Variants in LPP observed in about 807,000 individuals in gnomAD.
LPP encodes lipoma-preferred partner.
Under a neutral mutation model 60.4 loss-of-function variants are expected in LPP, and 38 were observed. That is an observed-to-expected ratio of 0.63 (90% CI 0.49 to 0.83). The LOEUF (loss-of-function observed/expected upper bound fraction) is 0.83, where lower values mean the gene tolerates loss of function less well. Among genes scored for constraint, LPP ranks in the 40% least tolerant of loss-of-function variants. The pLI is 0.00. For synonymous variants in LPP, 328 were observed against 290.8 expected (o/e 1.13, Z -1.30); for missense variants, 902 against 783.6 (o/e 1.15, Z -1.80).
chr3:188,261,465 A>G (rs1376527739), intron 2 of LPP, among the ~76,000 whole-genome samples: 1 of 152,216 alleles, frequency 6.6e-6, no homozygotes, highest in African/African-American at 2.4e-5. Flanking sequence ...ACTCAGCAAT[A>G]TGCCTTGAAA....
intron 7 of LPP, among the ~76,000 whole-genome samples, chr3:188,688,115 A>C (rs1251901589): frequency 6.6e-6 from 1 of 152,168 alleles, no homozygotes; most frequent in Admixed American, 6.5e-5. Flanking sequence ...GTTTTTCCAA[A>C]GTACTTGGGA....
At chr3:188,359,370 T>C (rs16863244) in intron 3 of LPP, among the ~76,000 whole-genome samples, 7,707 of 152,212 alleles carry the variant, frequency 0.051, 281 homozygotes, top group East Asian at 0.21. Context: ...TGAAATAAAA[T>C]GTGCATACGG....
At chr3:188,749,011 A>G (rs1198155949) in intron 8 of LPP, among the ~76,000 whole-genome samples, 1 of 152,178 alleles carries the variant, frequency 6.6e-6, no homozygotes, top group African/African-American at 2.4e-5. Flanking sequence ...ATTGAGATGT[A>G]CAAATCCAAA....
In LPP at chr3:188,358,291, T is replaced by A. The variant is rs954345532; in HGVS notation, c.-10+16572T>A. Among the ~76,000 whole-genome samples the A allele has an allele frequency of 3.3e-5, 5 of 152,314 alleles. No individual in the cohort carries two copies. In the East Asian group the frequency reaches 9.6e-4, roughly 29 times the overall value. On this transcript the variant is annotated intron_variant, in intron 3 of 11. Transcript: ENST00000617246. ...AGTCTGGCTTCAGCAGCTTCTCTCT[T>A]AACTACGAAGCTATATTGTTTCCAC...
At position 188,361,545 on chromosome 3, in the gene LPP, CCCTCTCCTCTCCTCT is replaced by C. The variant is rs1173978169; in HGVS notation, c.-10+19840_-10+19854del. Among the ~76,000 whole-genome samples, 193 of 64,690 alleles carry C rather than the reference CCCTCTCCTCTCCTCT, an allele frequency of 3.0e-3. 1 individual carries two copies. The highest frequency in any genetic ancestry group is 4.2e-3 in the Non-Finnish European group (148 of 35,118). 42.4% of individuals were successfully genotyped at this position (64,690 alleles called of 152,430 possible). A position where few individuals can be genotyped will look rare whatever the true frequency, so the allele number is the denominator to read the frequency against. On this transcript the variant is annotated intron_variant, in intron 3 of 11. Transcript: ENST00000617246. The stretch of plus-strand genomic sequence containing the variant: ...TCCTCTCCTCTCCTCTCCTCTCCTC[CCCTCTCCTCTCCTCT>C]CCTCTCCTCTCCTTTCATTTTTCCT...
chr3:188,479,996 C>T (rs550913762), intron 4 of LPP, among the ~76,000 whole-genome samples: 21 of 152,186 alleles, frequency 1.4e-4, no homozygotes, highest in African/African-American at 5.1e-4. Context: ...GCAAGCTCTG[C>T]GTTAGGTAGA....
intron 2 of LPP, among the ~76,000 whole-genome samples, chr3:188,281,430 C>T (rs940875622): frequency 2.0e-5 from 3 of 151,254 alleles, no homozygotes; most frequent in African/African-American, 4.9e-5. Context: ...AGCGAAACCC[C>T]GTCTCTACTA....
At chr3:188,658,475 C>A (rs185940384) in intron 7 of LPP, among the ~76,000 whole-genome samples, 2 of 152,106 alleles carry the variant, frequency 1.3e-5, no homozygotes, top group East Asian at 3.9e-4. Context: ...ACTAATGAGT[C>A]TAAAACAAAC....
intron 2 of LPP, among the ~76,000 whole-genome samples, chr3:188,271,707 TG>T (rs1737792106): frequency 6.6e-6 from 1 of 152,244 alleles, no homozygotes; most frequent in African/African-American, 2.4e-5. Flanking sequence ...TCTGCTTCTT[TG>T]GGAGAGGGTT....
chr3:188,624,717 CT>C (rs67329051), intron 7 of LPP, among the ~76,000 whole-genome samples: 3,737 of 127,582 alleles, frequency 0.029, 235 homozygotes, highest in Non-Finnish European at 0.036. Flanking sequence ...TTCCCTTTCC[CT>C]TTCCCTTTCC....
At chr3:188,226,102 A>T (rs1157262171) in intron 2 of LPP, among the ~76,000 whole-genome samples, 1 of 152,060 alleles carries the variant, frequency 6.6e-6, no homozygotes. Flanking sequence ...TCCACCTCCC[A>T]GGTTCAAGCG....
In LPP at chr3:188,524,804, A is replaced by G. The variant is rs199971174; in HGVS notation, c.429+17A>G. Reference sequence around the variant, plus strand: ...CCTCCACAGGTTAGTGCAGCCCACAATCATCTCCACACAGCCATTCCCAGA... The same window carrying G: ...CCTCCACAGGTTAGTGCAGCCCACAGTCATCTCCACACAGCCATTCCCAGA... On this transcript the variant is annotated intron_variant, in intron 6 of 11. Transcript: ENST00000617246. 35 of 1,609,914 alleles carry G rather than the reference A, an allele frequency of 2.2e-5. No individual in the cohort carries two copies. Among genetic ancestry groups the G allele is most frequent in the African/African-American group, 4.0e-5 (3 of 74,670 alleles).
intron 6 of LPP, among the ~76,000 whole-genome samples, chr3:188,564,057 A>T (rs1834560): frequency 0.8 from 120,975 of 151,920 alleles, 48,356 homozygotes; most frequent in East Asian, 0.94. Context: ...AATAAAAATA[A>T]CTACCATAAT....
At chr3:188,263,284 A>G (rs953904993) in intron 2 of LPP, among the ~76,000 whole-genome samples, 2 of 152,238 alleles carry the variant, frequency 1.3e-5, no homozygotes, top group African/African-American at 2.4e-5. Context: ...GTAGCGGGTG[A>G]TGTTGGAGTT....
intron 7 of LPP, among the ~76,000 whole-genome samples, chr3:188,620,915 C>T (rs929394990): frequency 1.3e-5 from 2 of 152,170 alleles, no homozygotes; most frequent in Admixed American, 1.3e-4. Flanking sequence ...TAATATAGTA[C>T]ATTGCATGTA....
rs764465086 is a variant in LPP at position 188,406,219 on chromosome 3, C to T, written c.99C>T (p.Ser33=). ...CCACCCATTCCTTTGGGAACCCCAGCATTTCAGTGTCTACACAACAGCCAC... is the reference window on the plus strand; with the variant it reads ...CCACCCATTCCTTTGGGAACCCCAGTATTTCAGTGTCTACACAACAGCCAC... ...METTHSFGNP[S]ISVSTQQPPK... is the part of the protein sequence containing the mutation. Residue 33 remains serine, a synonymous_variant, in exon 4 of 12, where the codon AGC becomes AGT. Transcript: ENST00000617246. 6.2e-7 allele frequency: 1 copy of T among 1,614,178 alleles called. No individual in the cohort carries two copies. The highest frequency in any genetic ancestry group is 8.5e-7 in the Non-Finnish European group (1 of 1,180,014).
intron 1 of LPP, among the ~76,000 whole-genome samples, chr3:188,172,269 G>T (rs1721801215): frequency 6.6e-6 from 1 of 152,226 alleles, no homozygotes; most frequent in Admixed American, 6.5e-5. Flanking sequence ...TTAAGGGCCA[G>T]AGCTCTGGAG....
At chr3:188,533,807 G>C (rs903091396) in intron 6 of LPP, among the ~76,000 whole-genome samples, 1 of 152,158 alleles carries the variant, frequency 6.6e-6, no homozygotes, top group Non-Finnish European at 1.5e-5. Context: ...GTGGAGGAGT[G>C]GTTAGCTGAC....
At chr3:188,442,481 C>T (rs914735692) in intron 4 of LPP, among the ~76,000 whole-genome samples, 12 of 152,170 alleles carry the variant, frequency 7.9e-5, no homozygotes, top group East Asian at 1.9e-4. Flanking sequence ...TCATCACTGA[C>T]GTAGCTGCTT....
Sources: allele counts gnomAD v4.1 joint callset (sites outside exome capture counted in the v4.1 genomes callset), GRCh38; gene constraint gnomAD v4.1.1; transcripts MANE v1.5; gene names NCBI Gene and HGNC (gene_info 2026-07-23, HGNC 2026-07-21).